Variants in CSMD1 observed in about 807,000 individuals in gnomAD.
The protein encoded by CSMD1 is CUB and sushi domain-containing protein 1.
A neutral mutation model predicts 417.5 loss-of-function variants in CSMD1; 213 were observed. The ratio of observed to expected loss-of-function variants is 0.51; its 90% CI spans 0.46 to 0.57. The LOEUF (loss-of-function observed/expected upper bound fraction) is 0.57, where lower values mean the gene tolerates loss of function less well. CSMD1 is among the 20% of genes least tolerant of loss of function. The probability of loss-of-function intolerance (pLI) is 0.00; values close to 1 mark genes in which losing one functional copy is unlikely to be tolerated. For synonymous variants in CSMD1, 2,862 were observed against 1,736.8 expected (o/e 1.65, Z -16.11); for missense variants, 6,923 against 4,529.7 (o/e 1.53, Z -15.17).
intron 3 of CSMD1, among the ~76,000 whole-genome samples, chr8:4,133,315 A>T (rs1479103112): frequency 6.6e-6 from 1 of 152,254 alleles, no homozygotes; most frequent in East Asian, 1.9e-4. Flanking sequence ...TACTGGAATG[A>T]GGACAAATAA....
intron 1 of CSMD1, among the ~76,000 whole-genome samples, chr8:4,884,527 TC>T (rs1803605065): frequency 6.6e-6 from 1 of 152,068 alleles, no homozygotes; most frequent in Admixed American, 6.5e-5. Flanking sequence ...TTCATTTAGG[TC>T]CTTTTTGAGT....
At chr8:3,614,470 G>C (rs977207519) in intron 8 of CSMD1, among the ~76,000 whole-genome samples, 2 of 152,096 alleles carry the variant, frequency 1.3e-5, no homozygotes, top group Non-Finnish European at 1.5e-5. Flanking sequence ...ACTCACCTAG[G>C]ATATGATTAA....
intron 1 of CSMD1, among the ~76,000 whole-genome samples, chr8:4,695,994 A>C (rs1227645574): frequency 6.6e-6 from 1 of 152,176 alleles, no homozygotes; most frequent in African/African-American, 2.4e-5. Flanking sequence ...CCTGTGTTTA[A>C]TCCTGGCTTA....
At chr8:3,805,942 C>G (rs995827576) in intron 5 of CSMD1, among the ~76,000 whole-genome samples, 2 of 152,154 alleles carry the variant, frequency 1.3e-5, no homozygotes, top group Non-Finnish European at 2.9e-5. Flanking sequence ...CACACCTGCT[C>G]TTGAAAGGCT....
chr8:3,838,975 AAT>A (rs1260697551), intron 5 of CSMD1, among the ~76,000 whole-genome samples: 1 of 114,122 alleles, frequency 8.8e-6, no homozygotes, highest in African/African-American at 3.7e-5. Context: ...TATTATATAT[AAT>A]ATATTATATA....
intron 23 of CSMD1, among the ~76,000 whole-genome samples, chr8:3,337,044 C>G (rs1378017032): frequency 1.3e-5 from 2 of 152,060 alleles, no homozygotes; most frequent in African/African-American, 2.4e-5. Flanking sequence ...TCTGGGGAGG[C>G]TGGAGCTGGG....
At chr8:4,888,415 C>T (rs1237209096) in intron 1 of CSMD1, among the ~76,000 whole-genome samples, 1 of 151,594 alleles carries the variant, frequency 6.6e-6, no homozygotes, top group Non-Finnish European at 1.5e-5. Context: ...TTCTTTCATT[C>T]AAAACTGTCA....
chr8:4,673,752 A>G (rs1002656045), intron 1 of CSMD1, among the ~76,000 whole-genome samples: 1 of 152,234 alleles, frequency 6.6e-6, no homozygotes, highest in African/African-American at 2.4e-5. Flanking sequence ...GTAAGAAGCC[A>G]GTCACAAAAG....
intron 1 of CSMD1, among the ~76,000 whole-genome samples, chr8:4,816,318 G>A (rs1414966301): frequency 2.0e-5 from 3 of 152,010 alleles, no homozygotes; most frequent in Admixed American, 6.6e-5. Context: ...CCAAGTAGCT[G>A]GGATTACAGG....
intron 2 of CSMD1, among the ~76,000 whole-genome samples, chr8:4,579,897 G>T (rs528001252): frequency 9.9e-5 from 15 of 152,044 alleles, no homozygotes; most frequent in Admixed American, 8.5e-4. Context: ...TCTTATAAGG[G>T]TATAATTAAG....
chr8:3,862,825 C>T (rs1366261806), intron 5 of CSMD1, among the ~76,000 whole-genome samples: 4 of 152,150 alleles, frequency 2.6e-5, no homozygotes, highest in South Asian at 4.1e-4. Context: ...CCTCAAATGG[C>T]AAGTTAGGGC....
intron 1 of CSMD1, among the ~76,000 whole-genome samples, chr8:4,795,267 T>A (rs1797914848): frequency 1.0e-5 from 1 of 95,824 alleles, no homozygotes; most frequent in African/African-American, 4.7e-5. Flanking sequence ...TTTTTTTTTT[T>A]TTTTTTTTTT....
At chr8:2,974,377 T>C in intron 56 of CSMD1, 74 bp downstream of exon 56, 1 of 1,301,986 alleles carries the variant, frequency 7.7e-7, no homozygotes, top group East Asian at 2.5e-5. Flanking sequence ...CTGTAAATCA[T>C]CATTATTTGA....
intron 1 of CSMD1, among the ~76,000 whole-genome samples, chr8:4,808,546 G>A (rs1488431836): frequency 1.3e-5 from 2 of 152,136 alleles, no homozygotes; most frequent in South Asian, 2.1e-4. Context: ...GGCTTTCAGT[G>A]ATACAACTTA....
At chr8:3,937,926 C>T (rs995723019) in intron 5 of CSMD1, among the ~76,000 whole-genome samples, 1 of 152,094 alleles carries the variant, frequency 6.6e-6, no homozygotes, top group African/African-American at 2.4e-5. Flanking sequence ...TATTAAACCT[C>T]AGTTCTAATG....
intron 1 of CSMD1, among the ~76,000 whole-genome samples, chr8:4,901,506 G>A (rs2117045121): frequency 6.6e-6 from 1 of 151,620 alleles, no homozygotes; most frequent in East Asian, 2.0e-4. Flanking sequence ...CCATCTTTGT[G>A]AGCTTAAAAT....
chr8:3,424,673 C>A (rs1355039967), intron 12 of CSMD1, among the ~76,000 whole-genome samples: 1 of 152,150 alleles, frequency 6.6e-6, no homozygotes, highest in South Asian at 2.1e-4. Flanking sequence ...TGTGATTACA[C>A]AATGATCTTA....
At chr8:3,585,112 C>A (rs988598368) in intron 9 of CSMD1, among the ~76,000 whole-genome samples, 3 of 152,108 alleles carry the variant, frequency 2.0e-5, no homozygotes, top group Admixed American at 6.5e-5. Flanking sequence ...GCTGTATCCC[C>A]TGCATGTGAC....
chr8:3,066,791 T>C (rs1812963569), intron 49 of CSMD1, among the ~76,000 whole-genome samples: 2 of 152,036 alleles, frequency 1.3e-5, no homozygotes. Context: ...ACACAGAAAA[T>C]TGGAAACTCT....
Sources: gnomAD v4.1 joint callset for allele counts (sites outside exome capture counted in the v4.1 genomes callset) on GRCh38, gnomAD v4.1.1 for gene constraint, MANE v1.5 for transcripts, NCBI Gene and HGNC (gene_info 2026-07-23, HGNC 2026-07-21) for gene names.